WWOX: variants seen among roughly 807,000 people sequenced by gnomAD.
The protein encoded by WWOX is WW domain-containing oxidoreductase.
A neutral mutation model predicts 46.2 loss-of-function variants in WWOX; 69 were observed. That is an observed-to-expected ratio of 1.49 (90% CI 1.23 to 1.82). WWOX has a LOEUF of 1.82. Ranked by LOEUF, WWOX falls within the 40% of genes most tolerant of loss-of-function variation. The pLI is 0.00. For missense variants in WWOX, 919 were observed against 542.6 expected (o/e 1.69, Z -6.89); for synonymous variants, 359 against 202.6 (o/e 1.77, Z -6.56).
chr16:78,185,556 C>A, intron 5 of WWOX, among the ~76,000 whole-genome samples: 1 of 151,968 alleles, frequency 6.6e-6, no homozygotes, highest in Admixed American at 6.6e-5. Context: ...TATATTACTT[C>A]CCAGGGTGGT....
intron 8 of WWOX, among the ~76,000 whole-genome samples, chr16:78,900,672 C>G (rs765469892): frequency 6.6e-6 from 1 of 152,148 alleles, no homozygotes; most frequent in African/African-American, 2.4e-5. Context: ...TATTACTCAT[C>G]AGATCATATG....
chr16:78,848,330 C>G (rs61413585), intron 8 of WWOX, among the ~76,000 whole-genome samples: 1 of 152,156 alleles, frequency 6.6e-6, no homozygotes, highest in Non-Finnish European at 1.5e-5. Context: ...TTTGCCCCCA[C>G]AGACCTTCCC....
intron 8 of WWOX, among the ~76,000 whole-genome samples, chr16:79,180,679 T>G (rs2150785557): frequency 6.6e-6 from 1 of 152,264 alleles, no homozygotes. Context: ...TCTCTCTCTC[T>G]TTCTCCCTCC....
intron 8 of WWOX, among the ~76,000 whole-genome samples, chr16:78,749,274 G>C (rs909215353): frequency 2.0e-5 from 3 of 152,146 alleles, no homozygotes; most frequent in Admixed American, 2.0e-4. Context: ...AGGAAACAGA[G>C]CTCGAGAGAA....
Position 78,706,058 on chromosome 16 carries a change from GTTTTTTT to G in WWOX, c.1056+273321_1056+273327del, listed in dbSNP as rs3051058. On this transcript the variant is annotated intron_variant, in intron 8 of 8. Transcript: ENST00000566780. Reference sequence around the variant, plus strand: ...TTGTCTCCAGTCAGAGTTATGGCAGGTTTTTTTTTTTTTTTTTTTTTGACTAAATTCA... The same window carrying G: ...TTGTCTCCAGTCAGAGTTATGGCAGGTTTTTTTTTTTTTTGACTAAATTCA... 7.5e-5 allele frequency among the ~76,000 whole-genome samples: 8 copies of G among 106,428 alleles called. No individual in the cohort carries two copies. The East Asian group carries it at 1.2e-3, about 16-fold the overall frequency. The allele number at this position is 106,428 out of a possible 152,430, so 69.8% of individuals were successfully genotyped here.
intron 5 of WWOX, among the ~76,000 whole-genome samples, chr16:78,384,182 G>C (rs981728495): frequency 1.1e-4 from 16 of 152,152 alleles, no homozygotes; most frequent in African/African-American, 3.9e-4. Flanking sequence ...GCTTGGCTGA[G>C]CAGAGCAATT....
At chr16:78,504,866 G>A (rs1264217733) in intron 8 of WWOX, among the ~76,000 whole-genome samples, 3 of 152,032 alleles carry the variant, frequency 2.0e-5, no homozygotes, top group African/African-American at 7.2e-5. Context: ...AATATCTCGA[G>A]TTCTTAATCT....
At chr16:78,395,565 A>C (rs1177113285) in intron 6 of WWOX, among the ~76,000 whole-genome samples, 1 of 152,056 alleles carries the variant, frequency 6.6e-6, no homozygotes, top group East Asian at 1.9e-4. Context: ...GGAAGGAAGA[A>C]AGGAAAATTG....
intron 8 of WWOX, among the ~76,000 whole-genome samples, chr16:78,564,725 A>T (rs759265114): frequency 2.6e-5 from 4 of 152,136 alleles, no homozygotes; most frequent in Non-Finnish European, 4.4e-5. Flanking sequence ...AAAGTCATAC[A>T]ACCATATGGT....
chr16:78,385,376 T>A (rs975064493), intron 5 of WWOX, among the ~76,000 whole-genome samples: 3 of 152,204 alleles, frequency 2.0e-5, no homozygotes, highest in Admixed American at 6.5e-5. Context: ...GCTAGTTAAA[T>A]TAATTAGATA....
chr16:79,179,013 A>T (rs2050857490), intron 8 of WWOX, among the ~76,000 whole-genome samples: 1 of 152,178 alleles, frequency 6.6e-6, no homozygotes, highest in Non-Finnish European at 1.5e-5. Context: ...GAGAAGAATC[A>T]GTCTACTGTG....
intron 8 of WWOX, among the ~76,000 whole-genome samples, chr16:78,593,385 C>T (rs2045397334): frequency 6.6e-6 from 1 of 152,132 alleles, no homozygotes; most frequent in East Asian, 1.9e-4. Flanking sequence ...TTTGTCTGCC[C>T]AGCATTTTCC....
At chr16:79,149,507 T>C (rs955474377) in intron 8 of WWOX, among the ~76,000 whole-genome samples, 2 of 152,288 alleles carry the variant, frequency 1.3e-5, no homozygotes, top group African/African-American at 4.8e-5. Context: ...AAGGAAAGCA[T>C]ACTGTTTGTT....
intron 8 of WWOX, among the ~76,000 whole-genome samples, chr16:78,947,854 G>T (rs987212975): frequency 2.0e-5 from 3 of 152,182 alleles, no homozygotes; most frequent in Non-Finnish European, 2.9e-5. Context: ...AAATATCCCA[G>T]AGTGGCTTGT....
intron 8 of WWOX, among the ~76,000 whole-genome samples, chr16:78,650,467 C>A (rs1483644587): frequency 2.0e-5 from 3 of 152,188 alleles, no homozygotes; most frequent in African/African-American, 7.2e-5. Flanking sequence ...ACCATGACAT[C>A]AGCCTGCCCA....
chr16:78,301,398 GC>G (rs2080039115), intron 5 of WWOX, among the ~76,000 whole-genome samples: 1 of 151,998 alleles, frequency 6.6e-6, no homozygotes, highest in South Asian at 2.1e-4. Context: ...TTCTTTATCG[GC>G]TACCAAGGTT....
chr16:78,949,778 C>T (rs758951495), intron 8 of WWOX, among the ~76,000 whole-genome samples: 16 of 152,172 alleles, frequency 1.1e-4, no homozygotes, highest in Admixed American at 2.6e-4. Context: ...AAGGATTGAA[C>T]GCCTCAATGC....
At chr16:78,705,834 T>C (rs1235617521) in intron 8 of WWOX, among the ~76,000 whole-genome samples, 1 of 152,186 alleles carries the variant, frequency 6.6e-6, no homozygotes, top group Non-Finnish European at 1.5e-5. Flanking sequence ...CCTATTCCTA[T>C]TCCTACAATT....
At chr16:78,520,638 G>A (rs1417498880) in intron 8 of WWOX, among the ~76,000 whole-genome samples, 2 of 152,156 alleles carry the variant, frequency 1.3e-5, no homozygotes, top group South Asian at 4.2e-4. Context: ...GGGTGGGGCA[G>A]GGCAGGACGG....
Sources: allele counts gnomAD v4.1 joint callset (sites outside exome capture counted in the v4.1 genomes callset), GRCh38; gene constraint gnomAD v4.1.1; transcripts MANE v1.5; gene names NCBI Gene and HGNC (gene_info 2026-07-23, HGNC 2026-07-21).